GOLGA7: variants seen among roughly 807,000 people sequenced by gnomAD.
GOLGA7 encodes golgin subfamily A member 7.
Under a neutral mutation model 21.1 loss-of-function variants are expected in GOLGA7, and 10 were observed. The observed-to-expected ratio is 0.47, with a 90% CI of 0.29 to 0.80. GOLGA7 has a LOEUF of 0.80. Among genes scored for constraint, GOLGA7 ranks in the 30% least tolerant of loss-of-function variants. GOLGA7 has a pLI of 0.08. For synonymous variants in GOLGA7, 64 were observed against 62.6 expected, an observed-to-expected ratio of 1.02 and a Z score of -0.10; for missense variants, 114 against 166.8, an observed-to-expected ratio of 0.68 and a Z score of 1.74.
chr8:41,507,506 C>T (rs1806314504), intron 4 of GOLGA7, among the ~76,000 whole-genome samples: 2 of 152,048 alleles, frequency 1.3e-5, no homozygotes, highest in South Asian at 2.1e-4. Flanking sequence ...TGACAAATGG[C>T]TTTAATAAGC....
At chr8:41,491,555 G>T (rs1334335086) in intron 1 of GOLGA7, among the ~76,000 whole-genome samples, 1 of 152,068 alleles carries the variant, frequency 6.6e-6, no homozygotes, top group Non-Finnish European at 1.5e-5. Context: ...CACATTCACT[G>T]GGAGCCACCT....
chr8:41,506,091 G>C (rs1250063538), intron 3 of GOLGA7, 79 bp downstream of exon 3: 1 of 722,840 alleles, frequency 1.4e-6, no homozygotes, highest in Non-Finnish European at 2.4e-6. Flanking sequence ...TGGCTAGAGA[G>C]AATTTAACTC....
chr8:41,495,436 C>T (rs982735753), intron 1 of GOLGA7, among the ~76,000 whole-genome samples: 2 of 151,502 alleles, frequency 1.3e-5, no homozygotes, highest in African/African-American at 4.8e-5. Flanking sequence ...AGGCATGCAC[C>T]ACCACGCCTG....
At chr8:41,496,029 T>G (rs1016966779) in intron 1 of GOLGA7, among the ~76,000 whole-genome samples, 6 of 152,222 alleles carry the variant, frequency 3.9e-5, no homozygotes, top group African/African-American at 1.4e-4. Context: ...TTGAAATATT[T>G]GTTTATACTA....
chr8:41,505,767 GT>G, intron 2 of GOLGA7, 143 bp from the exon 3 acceptor site: 1 of 516,772 alleles, frequency 1.9e-6, no homozygotes, highest in Non-Finnish European at 3.5e-6. Context: ...TGTGAGCCAA[GT>G]AATCACAGCT....
chr8:41,504,130 AAAAAAAC>A (rs746781272), intron 2 of GOLGA7, among the ~76,000 whole-genome samples: 5,029 of 132,824 alleles, frequency 0.038, 151 homozygotes, highest in Middle Eastern at 0.08. Context: ...TAAAAAAAAA[AAAAAAAC>A]AAAACAAAAC....
chr8:41,506,579 T>G (rs1187486792), intron 3 of GOLGA7, among the ~76,000 whole-genome samples: 1 of 152,136 alleles, frequency 6.6e-6, no homozygotes, highest in Non-Finnish European at 1.5e-5. Context: ...GTAAATAAAT[T>G]TTTTTAAAAA....
chr8:41,497,294 T>C (rs1806042249), intron 1 of GOLGA7, among the ~76,000 whole-genome samples: 1 of 151,902 alleles, frequency 6.6e-6, no homozygotes, highest in African/African-American at 2.4e-5. Flanking sequence ...GTAGAAAGAA[T>C]AAAGAAGTAC....
At chr8:41,508,778 A>G (rs1035667760) in intron 4 of GOLGA7, among the ~76,000 whole-genome samples, 4 of 152,216 alleles carry the variant, frequency 2.6e-5, no homozygotes, top group African/African-American at 9.6e-5. Flanking sequence ...TTTTTGTTCA[A>G]CACAATTTCG....
upstream of GOLGA7, chr8:41,490,449 C>T (rs1805849979): frequency 5.4e-6 from 1 of 185,740 alleles, no homozygotes. Context: ...TTCCTCGGCC[C>T]AGCCCCACAG....
intron 3 of GOLGA7, 84 bp from the exon 4 acceptor site, chr8:41,506,975 T>C: frequency 1.3e-6 from 1 of 761,562 alleles, no homozygotes; most frequent in Non-Finnish European, 2.4e-6. Flanking sequence ...AAGCAAAGTC[T>C]GCAGATCACA....
At chr8:41,499,703 T>G (rs191055199) in intron 2 of GOLGA7, among the ~76,000 whole-genome samples, 1 of 152,294 alleles carries the variant, frequency 6.6e-6, no homozygotes, top group Admixed American at 6.5e-5. Flanking sequence ...CACCTGTTTG[T>G]CTGCCTGCTG....
At position 41,497,519 on chromosome 8, in the gene GOLGA7, A is replaced by G; in HGVS notation, c.122A>G (p.Gln41Arg). ...TTTTCTTCTCTACAGATTGATAGGC[A>G]GCAGTTTGAAGAAACAGTTCGAACT... Reference protein sequence around the residue: ...PAELENRIDRQQFEETVRTLN... With the variant: ...PAELENRIDRRQFEETVRTLN... Residue 41 changes from glutamine (Q) to arginine (R), a missense_variant, in exon 2 of 5, where the codon CAG becomes CGG. By Grantham distance (43) the Gln-to-Arg change is conservative (BLOSUM62 1). Transcript: ENST00000357743. The G allele has an allele frequency of 6.5e-7, 1 of 1,539,620 alleles. No homozygotes were observed. The highest frequency in any genetic ancestry group is 8.9e-7 in the Non-Finnish European group (1 of 1,123,574).
In GOLGA7 at chr8:41,506,028, G is replaced by T. The variant is rs768935499; in HGVS notation, c.366+16G>T. The T allele has an allele frequency of 1.6e-6, 2 of 1,215,758 alleles. No homozygotes were observed. The highest frequency in any genetic ancestry group is 3.9e-5 in the Admixed American group (2 of 50,762). The allele number at this position is 1,215,758 out of a possible 1,614,324, so 75.3% of individuals were successfully genotyped here. A position where few individuals can be genotyped will look rare whatever the true frequency, so the allele number is the denominator to read the frequency against. On this transcript the variant is annotated intron_variant, in intron 3 of 4. Transcript: ENST00000357743. Reference sequence around the variant, plus strand: ...ACTGCGAGTTGTATCTTTTTAGTTCGGATCAGAAAGTCTAAATATTTATAA... The same window carrying T: ...ACTGCGAGTTGTATCTTTTTAGTTCTGATCAGAAAGTCTAAATATTTATAA...
Position 41,490,654 on chromosome 8 carries a change from C to A in GOLGA7, c.-201C>A. 1.8e-6 allele frequency: 1 copy of A among 540,550 alleles called. No homozygotes were observed. Among genetic ancestry groups the A allele is most frequent in the Non-Finnish European group, 3.3e-6 (1 of 306,148 alleles). 33.5% of individuals were successfully genotyped at this position (540,550 alleles called of 1,614,324 possible). Reference sequence around the variant, plus strand: ...CCGGGCCGAACCGGGTTGTGGGGGGCGCGGGGCCTGGGCCAGGCGGCAGCT... The same window carrying A: ...CCGGGCCGAACCGGGTTGTGGGGGGAGCGGGGCCTGGGCCAGGCGGCAGCT... On this transcript the variant is annotated 5_prime_UTR_variant, in exon 1 of 5. Coordinates refer to ENST00000357743, the MANE Select transcript of GOLGA7 (RefSeq NM_001002296.2).
intron 2 of GOLGA7, among the ~76,000 whole-genome samples, chr8:41,500,353 A>C (rs138257552): frequency 6.6e-6 from 1 of 152,352 alleles, no homozygotes; most frequent in East Asian, 1.9e-4. Flanking sequence ...AGCCTGGGGC[A>C]TTAAGGCAGA....
chr8:41,504,910 CT>C (rs1351438624), intron 2 of GOLGA7, among the ~76,000 whole-genome samples: 1 of 152,128 alleles, frequency 6.6e-6, no homozygotes, highest in African/African-American at 2.4e-5. Flanking sequence ...CCATACACTT[CT>C]TTTTTCCCTT....
chr8:41,505,727 C>G, intron 2 of GOLGA7, 184 bp from the exon 3 acceptor site: 1 of 469,340 alleles, frequency 2.1e-6, no homozygotes, highest in East Asian at 3.5e-5. Flanking sequence ...AAGAGTCCCT[C>G]ACACTTGGCT....
intron 1 of GOLGA7, among the ~76,000 whole-genome samples, chr8:41,494,027 A>G (rs1805948258): frequency 1.3e-5 from 2 of 152,340 alleles, no homozygotes; most frequent in Middle Eastern, 3.4e-3. Context: ...TTTTTAAAAT[A>G]ACCTTTCAAA....
Sources: gnomAD v4.1 joint callset for allele counts (sites outside exome capture counted in the v4.1 genomes callset) on GRCh38, gnomAD v4.1.1 for gene constraint, MANE v1.5 for transcripts, NCBI Gene and HGNC (gene_info 2026-07-23, HGNC 2026-07-21) for gene names.